The following SV2C variants were observed in gnomAD, a reference collection of about 807,000 sequenced individuals.
The protein encoded by SV2C is synaptic vesicle glycoprotein 2C.
A neutral mutation model predicts 79.7 loss-of-function variants in SV2C; 49 were observed. The ratio of observed to expected loss-of-function variants is 0.61; its 90% confidence interval spans 0.49 to 0.78. The LOEUF (loss-of-function observed/expected upper bound fraction) is 0.78, where lower values mean the gene tolerates loss of function less well. Among genes scored for constraint, SV2C ranks in the 30% least tolerant of loss-of-function variants. The pLI, the probability that SV2C is intolerant of heterozygous loss-of-function variation, is 0.00. For missense variants in SV2C, 833 were observed against 912.9 expected (o/e 0.91, Z 1.13); for synonymous variants, 334 against 333.2 (o/e 1.00, Z -0.03).
rs779357025 is a variant in SV2C, at chr5:76,295,821, C to G, written c.1381C>G (p.Leu461Val). 2 of 1,613,314 alleles carry G rather than the reference C, an allele frequency of 1.2e-6. No homozygotes were observed. The highest frequency in any genetic ancestry group is 1.1e-5 in the South Asian group (1 of 90,976). The change falls in exon 9 of 13, where the codon CTG becomes GTG. Residue 461 changes from leucine to valine, a missense_variant. Transcript: ENST00000502798. ...TTGGTTCCCTGATGTCATTAAACCT[C>G]TGCAGTCCGATGAATATGCATTGCT... ...SVWFPDVIKP[L>V]QSDEYALLTR... is the part of the protein sequence containing the mutation.
At chr5:76,088,051 A>G (rs1422948005) in intron 1 of SV2C, among the ~76,000 whole-genome samples, 1 of 152,192 alleles carries the variant, frequency 6.6e-6, no homozygotes, top group Non-Finnish European at 1.5e-5. Flanking sequence ...TCACTTCTGC[A>G]GCCTCATTTT....
intron 4 of SV2C, among the ~76,000 whole-genome samples, chr5:76,217,891 T>G (rs1744950532): frequency 6.6e-6 from 1 of 152,196 alleles, no homozygotes; most frequent in Non-Finnish European, 1.5e-5. Flanking sequence ...AAGGGGCATG[T>G]ACTATATAAA....
At chr5:76,037,818 C>T in the SV2C span, among the ~76,000 whole-genome samples, 1 of 152,372 alleles carries the variant, frequency 6.6e-6, no homozygotes, top group Non-Finnish European at 1.5e-5. Flanking sequence ...CAAGCCTGGG[C>T]AATGTCGGGC....
the SV2C span, among the ~76,000 whole-genome samples, chr5:76,015,272 C>T: frequency 6.6e-6 from 1 of 152,098 alleles, no homozygotes; most frequent in African/African-American, 2.4e-5. Context: ...ATGTGGAGCA[C>T]AGTCCCCACT....
At chr5:75,969,430 T>C in the SV2C span, among the ~76,000 whole-genome samples, 1 of 152,082 alleles carries the variant, frequency 6.6e-6, no homozygotes, top group Non-Finnish European at 1.5e-5. Context: ...AGGAAACCCA[T>C]TTCACATGCA....
In SV2C at chr5:76,293,650, CCT is replaced by C. The variant is rs1431430575; in HGVS notation, c.1337+1796_1337+1797del. Among the ~76,000 whole-genome samples, 3 of 152,216 alleles carry C rather than the reference CCT, an allele frequency of 2.0e-5. No individual in the cohort carries two copies. In the South Asian group the frequency reaches 6.2e-4, roughly 32 times the overall value. Reference sequence around the variant, plus strand: ...AAGTCATTTCTTCCTCAATAACTACCCTCACACCCCCACAGACATTACTATGA... The same window carrying C: ...AAGTCATTTCTTCCTCAATAACTACCCACACCCCCACAGACATTACTATGA... On this transcript the variant is annotated intron_variant, in intron 8 of 12. Coordinates refer to ENST00000502798, the MANE Select transcript of SV2C (RefSeq NM_014979.4).
the SV2C span, among the ~76,000 whole-genome samples, chr5:75,992,108 A>T: frequency 1.3e-5 from 2 of 151,932 alleles, no homozygotes; most frequent in Non-Finnish European, 1.5e-5. Context: ...ATTTCTGAAA[A>T]ATTGACATGT....
At chr5:76,336,491 G>A (rs1749328915), downstream of SV2C, among the ~76,000 whole-genome samples, 1 of 152,158 alleles carries the variant, frequency 6.6e-6, no homozygotes, top group Admixed American at 6.5e-5. Context: ...CAGATGGGGT[G>A]GCGGCCAGGC....
the SV2C span, among the ~76,000 whole-genome samples, chr5:75,954,604 G>A: frequency 6.7e-6 from 1 of 149,672 alleles, no homozygotes; most frequent in Non-Finnish European, 1.5e-5. Context: ...AAGTCAAATT[G>A]TCCCTGTTTG....
At chr5:75,992,188 C>T in the SV2C span, among the ~76,000 whole-genome samples, 25 of 151,776 alleles carry the variant, frequency 1.6e-4, no homozygotes, top group African/African-American at 4.6e-4. Context: ...GCTTTTAATT[C>T]GATAGGGATA....
the SV2C span, among the ~76,000 whole-genome samples, chr5:75,871,128 C>T: frequency 2.0e-5 from 3 of 151,646 alleles, no homozygotes; most frequent in Non-Finnish European, 4.4e-5. Flanking sequence ...CAATAGATGC[C>T]AAAGGGAAAA....
chr5:76,019,513 T>C, the SV2C span, among the ~76,000 whole-genome samples: 1 of 152,114 alleles, frequency 6.6e-6, no homozygotes, highest in Non-Finnish European at 1.5e-5. Context: ...GTGATGAGGG[T>C]AAAAAGTATT....
At chr5:76,284,592 G>A (rs996489367) in intron 4 of SV2C, among the ~76,000 whole-genome samples, 1 of 152,206 alleles carries the variant, frequency 6.6e-6, no homozygotes, top group African/African-American at 2.4e-5. Context: ...GACAAGAGCT[G>A]TGGCTGCTGT....
chr5:75,971,315 T>C, the SV2C span, among the ~76,000 whole-genome samples: 2 of 152,024 alleles, frequency 1.3e-5, no homozygotes, highest in Non-Finnish European at 2.9e-5. Context: ...GTGTTGGAAG[T>C]TCTGGCCAGG....
chr5:76,207,071 G>A (rs941729217), intron 3 of SV2C, among the ~76,000 whole-genome samples: 1 of 151,842 alleles, frequency 6.6e-6, no homozygotes, highest in Non-Finnish European at 1.5e-5. Flanking sequence ...TTGCCTAGAA[G>A]CCCCTACAAG....
At chr5:76,043,112 G>T in the SV2C span, among the ~76,000 whole-genome samples, 1 of 152,128 alleles carries the variant, frequency 6.6e-6, no homozygotes, top group Non-Finnish European at 1.5e-5. Context: ...AGACTTCCAC[G>T]CAATAACGAA....
At chr5:76,253,057 A>G (rs1746161062) in intron 4 of SV2C, among the ~76,000 whole-genome samples, 1 of 152,228 alleles carries the variant, frequency 6.6e-6, no homozygotes, top group Admixed American at 6.5e-5. Flanking sequence ...GAGTTTTATC[A>G]CTTAAAGAGC....
intron 9 of SV2C, among the ~76,000 whole-genome samples, chr5:76,297,221 T>C (rs1329682129): frequency 6.6e-6 from 1 of 152,194 alleles, no homozygotes; most frequent in Non-Finnish European, 1.5e-5. Context: ...TGAAATACCA[T>C]TAACGAAATT....
chr5:75,939,606 T>G, the SV2C span, among the ~76,000 whole-genome samples: 11 of 152,196 alleles, frequency 7.2e-5, no homozygotes, highest in Admixed American at 7.2e-4. Context: ...AATTCAAGGT[T>G]GTGCATTTCC....
Sources: gnomAD v4.1 joint callset for allele counts (sites outside exome capture counted in the v4.1 genomes callset) on GRCh38, gnomAD v4.1.1 for gene constraint, MANE v1.5 for transcripts, NCBI Gene and HGNC (gene_info 2026-07-23, HGNC 2026-07-21) for gene names.